Variants in ESPNL observed in about 807,000 individuals in gnomAD.
ESPNL encodes the protein espin like, also known as espin-like protein.
In ESPNL, 49 loss-of-function variants were observed where a neutral mutation model predicts 46.8. The ratio of observed to expected loss-of-function variants is 1.05; its 90% confidence interval spans 0.83 to 1.33. ESPNL has a LOEUF of 1.33. Ranked by LOEUF, ESPNL falls within the 40% of genes most tolerant of loss-of-function variation. The pLI is 0.00. For missense variants in ESPNL, 1,540 were observed against 1,436.6 expected, an observed-to-expected ratio of 1.07 and a Z score of -1.16; for synonymous variants, 664 against 662.1, an observed-to-expected ratio of 1.00 and a Z score of -0.04.
Position 238,128,834 on chromosome 2 carries a change from A to C in ESPNL, c.1343A>C (p.Glu448Ala). The change falls in exon 8 of 9, where the codon GAG becomes GCG. Residue 448 changes from glutamate to alanine, a missense_variant. Glu to Ala is a moderately radical substitution (Grantham distance 107). Coordinates refer to ENST00000343063, the MANE Select transcript of ESPNL (RefSeq NM_194312.4). ...GATGAGCGCGGCCAGCCCATCCCAG[A>C]GTGGAAGCGGCAGGTGATGGTGCGG... Reference protein sequence around the residue: ...TRDERGQPIPEWKRQVMVRKL... With the variant: ...TRDERGQPIPAWKRQVMVRKL... The C allele has an allele frequency of 6.5e-7, 1 of 1,549,832 alleles. No individual in the cohort carries two copies. Among genetic ancestry groups the C allele is most frequent in the South Asian group, 1.2e-5 (1 of 84,076 alleles).
intron 4 of ESPNL, among the ~76,000 whole-genome samples, chr2:238,108,201 C>T (rs965156114): frequency 2.0e-5 from 3 of 152,236 alleles, no homozygotes; most frequent in Admixed American, 1.3e-4. Context: ...TCCCTCCCTT[C>T]GCGCAGAAAC....
At chr2:238,126,619 G>A (rs1692126079) in intron 6 of ESPNL, among the ~76,000 whole-genome samples, 1 of 148,960 alleles carries the variant, frequency 6.7e-6, no homozygotes, top group African/African-American at 2.5e-5. Context: ...TTGTGTCCGT[G>A]TCTGTGTGTC....
At position 238,100,713 on chromosome 2, in the gene ESPNL, G is replaced by A. The variant is rs1368927675; in HGVS notation, c.294G>A (p.Gln98=). ...TCCGCGAGGGGGGCTGCGGTCTGCA[G>A]GTGAGCGGGGATGGGGCAGCCTGGC... The part of the protein sequence containing the change: ...WLVREGGCGL[Q]DQDASGVSPL... The change falls in exon 1 of 9, where the codon CAG becomes CAA. Residue 98 remains glutamine (Q), a splice_region_variant and synonymous_variant. Transcript: ENST00000343063. The A allele has an allele frequency of 1.4e-6, 2 of 1,415,252 alleles. No homozygotes were observed. The highest frequency in any genetic ancestry group is 3.0e-5 in the African/African-American group (2 of 66,180). 87.7% of individuals were successfully genotyped at this position (1,415,252 alleles called of 1,614,324 possible). A position where few individuals can be genotyped will look rare whatever the true frequency, so the allele number is the denominator to read the frequency against.
chr2:238,131,184 C>G lies in ESPNL; in HGVS notation c.2470C>G (p.Arg824Gly). The G allele has an allele frequency of 6.5e-7, 1 of 1,544,432 alleles. No individual in the cohort carries two copies. The highest frequency in any genetic ancestry group is 8.7e-7 in the Non-Finnish European group (1 of 1,146,550). Residue 824 changes from arginine (R) to glycine (G), a missense_variant, in exon 9 of 9, where the codon CGG becomes GGG. Arg to Gly is a moderately radical substitution (Grantham distance 125). Transcript: ENST00000343063. ...GGCTCACGTGCCCGCCCGGCAGCTG[C>G]GGCGGCTGAGCCGGCAGCCCCGCGG... ...IMAHVPARQLRRLSRQPRGAL... is the reference protein window; with the variant it reads ...IMAHVPARQLGRLSRQPRGAL...
At chr2:238,121,293 A>T (rs1247218834) in intron 5 of ESPNL, among the ~76,000 whole-genome samples, 1 of 152,230 alleles carries the variant, frequency 6.6e-6, no homozygotes, top group Non-Finnish European at 1.5e-5. Flanking sequence ...CTCGGGGAGC[A>T]GAGCCTCTGG....
chr2:238,129,460 G>A (rs1692230335), intron 8 of ESPNL, among the ~76,000 whole-genome samples: 1 of 152,208 alleles, frequency 6.6e-6, no homozygotes, highest in Non-Finnish European at 1.5e-5. Context: ...GGAGGAGCAG[G>A]AGGAGGCGCC....
intron 4 of ESPNL, among the ~76,000 whole-genome samples, chr2:238,108,855 C>T (rs910844768): frequency 2.0e-5 from 3 of 152,210 alleles, no homozygotes; most frequent in Admixed American, 6.5e-5. Context: ...CAATCACACA[C>T]GGTGCAGCCG....
intron 6 of ESPNL, 185 bp from the exon 7 acceptor site, chr2:238,127,437 C>G: frequency 2.2e-6 from 3 of 1,337,340 alleles, no homozygotes; most frequent in Non-Finnish European, 2.9e-6. Context: ...GCGGGCCCCA[C>G]TGACTCCCCA....
At chr2:238,106,556 A>C (rs1254801470) in intron 3 of ESPNL, among the ~76,000 whole-genome samples, 2 of 152,128 alleles carry the variant, frequency 1.3e-5, no homozygotes, top group African/African-American at 2.4e-5. Flanking sequence ...GCCTACCCCA[A>C]AGGAAGCTCT....
chr2:238,127,539 C>A (rs950100407), intron 6 of ESPNL, 83 bp from the exon 7 acceptor site: 13 of 1,482,764 alleles, frequency 8.8e-6, no homozygotes, highest in Admixed American at 2.2e-5. Context: ...GTCAGCTCTG[C>A]CCCCAGGGCC....
chr2:238,115,507 G>A (rs1163846762), intron 4 of ESPNL, among the ~76,000 whole-genome samples: 2 of 152,224 alleles, frequency 1.3e-5, no homozygotes, highest in African/African-American at 4.8e-5. Context: ...TCGCTGCCAG[G>A]CCCCCTGCCA....
chr2:238,123,469 T>C (rs1692031930), intron 5 of ESPNL, among the ~76,000 whole-genome samples: 1 of 152,132 alleles, frequency 6.6e-6, no homozygotes, highest in African/African-American at 2.4e-5. Flanking sequence ...GGGATTCCTC[T>C]GGGTGGTCTC....
Position 238,104,823 on chromosome 2 carries a change from A to G in ESPNL, c.653A>G (p.Tyr218Cys). Residue 218 changes from tyrosine (Y) to cysteine (C), a missense_variant, in exon 3 of 9, where the codon TAC (tyrosine) becomes TGC (cysteine). Physicochemically the swap from Tyr to Cys is radical, Grantham distance 194. Coordinates refer to ENST00000343063, the MANE Select transcript of ESPNL (RefSeq NM_194312.4). Reference protein sequence around the residue: ...ALHAAAARGHYSLVVWLVTFT... With the variant: ...ALHAAAARGHCSLVVWLVTFT... ...CACGCTGCCGCCGCCCGTGGCCACT[A>G]CTCCCTCGTCGTCTGGCTGGTAAGT... 6.6e-7 allele frequency: 1 copy of G among 1,525,918 alleles called. No individual in the cohort carries two copies. The highest frequency in any genetic ancestry group is 8.8e-7 in the Non-Finnish European group (1 of 1,136,486). 94.5% of individuals were successfully genotyped at this position (1,525,918 alleles called of 1,614,324 possible).
intron 3 of ESPNL, 72 bp from the exon 4 acceptor site, chr2:238,107,719 C>T: frequency 3.5e-6 from 5 of 1,430,862 alleles, no homozygotes; most frequent in Non-Finnish European, 1.9e-6. Context: ...TTCACTTCTG[C>T]TCCAAGCCCC....
At chr2:238,126,412 GTGTGTTTGTGTT>G (rs886130857) in intron 6 of ESPNL, among the ~76,000 whole-genome samples, 1 of 150,894 alleles carries the variant, frequency 6.6e-6, no homozygotes, top group African/African-American at 2.5e-5. Context: ...GCCTGTGTAT[GTGTGTTTGTGTT>G]TGTGTGTCTG....
Position 238,107,780 on chromosome 2 carries a change from TC to T in ESPNL, c.673-9del. ...GGAGGATGGCTGCTCCCTCTGCCCCTCCTTCCCCAGGTCACATTCACCGACA... is the reference window on the plus strand; with the variant it reads ...GGAGGATGGCTGCTCCCTCTGCCCCTCTTCCCCAGGTCACATTCACCGACA... On this transcript the variant is annotated splice_polypyrimidine_tract_variant and intron_variant, in intron 3 of 8. Transcript: ENST00000343063. 1 of 1,567,892 alleles carries T rather than the reference TC, an allele frequency of 6.4e-7. No homozygotes were observed.
rs1692349562 is a variant in ESPNL at position 238,131,833 on chromosome 2, A to C, written c.*101A>C. 4 of 1,320,006 alleles carry C rather than the reference A, an allele frequency of 3.0e-6. No individual in the cohort carries two copies. The highest frequency in any genetic ancestry group is 4.2e-6 in the Non-Finnish European group (4 of 955,622). The allele number at this position is 1,320,006 out of a possible 1,614,324, so 81.8% of individuals were successfully genotyped here. On this transcript the variant is annotated 3_prime_UTR_variant, in exon 9 of 9. Transcript: ENST00000343063. ...CCCTTGGTGTTCAGGTGAGCCGGGC[A>C]AGGCTGCCTCCAGTCCTACCAGTTA... is the stretch of plus-strand genomic sequence containing the variant.
intron 5 of ESPNL, among the ~76,000 whole-genome samples, chr2:238,119,425 G>A (rs200607699): frequency 0.063 from 6,713 of 105,754 alleles, 861 homozygotes; most frequent in East Asian, 0.12. Context: ...GAGGAGGGTA[G>A]ATGGAGGAGG....
At chr2:238,128,634 T>C in intron 7 of ESPNL, 73 bp from the exon 8 acceptor site, 1 of 1,460,644 alleles carries the variant, frequency 6.8e-7, no homozygotes, top group Non-Finnish European at 9.3e-7. Flanking sequence ...ACCCCCCACG[T>C]CCTCTCGGAT....
Sources: gnomAD v4.1 joint callset for allele counts (sites outside exome capture counted in the v4.1 genomes callset) on GRCh38, gnomAD v4.1.1 for gene constraint, MANE v1.5 for transcripts, NCBI Gene and HGNC (gene_info 2026-07-23, HGNC 2026-07-21) for gene names.